The following GPHN variants were observed in gnomAD, a reference collection of about 807,000 sequenced individuals.
GPHN encodes gephyrin.
Under a neutral mutation model 95.5 loss-of-function variants are expected in GPHN, and 17 were observed. The ratio of observed to expected loss-of-function variants is 0.18; its 90% CI spans 0.12 to 0.27. GPHN has a LOEUF of 0.27. Among genes scored for constraint, GPHN ranks in the 10% least tolerant of loss-of-function variants. The pLI is 1.00. For synonymous variants in GPHN, 320 were observed against 322.5 expected (o/e 0.99, Z 0.08); for missense variants, 660 against 978.1 (o/e 0.67, Z 4.34).
intron 10 of GPHN, among the ~76,000 whole-genome samples, chr14:67,028,907 C>T (rs1353453976): frequency 6.6e-6 from 1 of 152,076 alleles, no homozygotes; most frequent in Non-Finnish European, 1.5e-5. Flanking sequence ...GTTGTCTGTA[C>T]TTTTGAAGTC....
chr14:67,058,528 T>G (rs1395466494), intron 10 of GPHN, 121 bp from the exon 11 acceptor site: 2 of 861,124 alleles, frequency 2.3e-6, no homozygotes, highest in Non-Finnish European at 3.9e-6. Context: ...AGAAACAGTT[T>G]CTTACCTGCT....
chr14:67,424,924 G>C, the GPHN span, among the ~76,000 whole-genome samples: 1 of 152,152 alleles, frequency 6.6e-6, no homozygotes, highest in Non-Finnish European at 1.5e-5. Flanking sequence ...CCTCCCCAAG[G>C]CTGGTCCCTG....
chr14:67,269,104 A>G, the GPHN span, among the ~76,000 whole-genome samples: 7 of 152,166 alleles, frequency 4.6e-5, no homozygotes, highest in Non-Finnish European at 1.0e-4. Flanking sequence ...TGGATATTTC[A>G]TAAATAGAAT....
intron 10 of GPHN, among the ~76,000 whole-genome samples, chr14:67,024,512 A>C (rs1181716469): frequency 1.3e-5 from 2 of 152,318 alleles, no homozygotes; most frequent in Admixed American, 6.5e-5. Flanking sequence ...AATGATTTCT[A>C]TTTCTAGCAG....
chr14:67,212,314 A>G, the GPHN span, among the ~76,000 whole-genome samples: 7 of 152,078 alleles, frequency 4.6e-5, no homozygotes, highest in South Asian at 2.1e-4. Flanking sequence ...CTGACAAAAA[A>G]TGTATCTTAG....
At chr14:67,586,790 G>A in the GPHN span, 33 of 1,382,208 alleles carry the variant, frequency 2.4e-5, no homozygotes, top group Non-Finnish European at 2.8e-5. Flanking sequence ...TTCTTAAGAA[G>A]GCCCCTTCCC....
At chr14:66,627,946 T>G (rs1050537339) in intron 1 of GPHN, among the ~76,000 whole-genome samples, 2 of 152,132 alleles carry the variant, frequency 1.3e-5, no homozygotes, top group Non-Finnish European at 2.9e-5. Context: ...ATAAAGTTCA[T>G]TTGGTTAGGT....
chr14:67,302,685 AT>A, the GPHN span: 1 of 818,318 alleles, frequency 1.2e-6, no homozygotes, highest in African/African-American at 1.8e-5. Context: ...TTCTAGCCTG[AT>A]TTTTCCATGA....
At chr14:66,556,282 T>G (rs571763528) in intron 1 of GPHN, among the ~76,000 whole-genome samples, 3 of 152,300 alleles carry the variant, frequency 2.0e-5, no homozygotes, top group African/African-American at 7.2e-5. Flanking sequence ...TACACAATTT[T>G]TTGCCATATA....
chr14:66,940,717 G>A (rs538462877), intron 8 of GPHN, among the ~76,000 whole-genome samples: 2 of 152,268 alleles, frequency 1.3e-5, no homozygotes, highest in African/African-American at 4.8e-5. Context: ...TCTGCCTCTG[G>A]ATTCCTCAGA....
At chr14:67,327,432 T>C in the GPHN span, among the ~76,000 whole-genome samples, 1 of 152,072 alleles carries the variant, frequency 6.6e-6, no homozygotes, top group South Asian at 2.1e-4. Context: ...GGAGGACGGA[T>C]CACTTTTTTT....
chr14:67,543,416 G>A, the GPHN span, among the ~76,000 whole-genome samples: 11 of 152,166 alleles, frequency 7.2e-5, no homozygotes, highest in Admixed American at 2.0e-4. Context: ...AGGTACTGCC[G>A]ATAGAAAGGA....
chr14:67,586,092 C>A, the GPHN span: 1 of 1,613,884 alleles, frequency 6.2e-7, no homozygotes, highest in Non-Finnish European at 8.5e-7. Flanking sequence ...GATGGCTGCT[C>A]CCAAGGTAGG....
At chr14:67,436,961 G>A in the GPHN span, among the ~76,000 whole-genome samples, 1 of 152,130 alleles carries the variant, frequency 6.6e-6, no homozygotes, top group African/African-American at 2.4e-5. Flanking sequence ...GGAGGTTGAG[G>A]TGGGAGAATC....
chr14:67,398,471 T>C, the GPHN span, among the ~76,000 whole-genome samples: 16 of 152,136 alleles, frequency 1.1e-4, no homozygotes, highest in Admixed American at 6.5e-5. Context: ...CCACCTAAAC[T>C]ACCCTTCTCT....
intron 4 of GPHN, among the ~76,000 whole-genome samples, chr14:66,878,531 C>T (rs771349943): frequency 1.4e-4 from 21 of 151,938 alleles, no homozygotes; most frequent in African/African-American, 1.7e-4. Flanking sequence ...AAAAAAACAA[C>T]GCCATCAAAA....
the GPHN span, chr14:67,580,345 T>C: frequency 6.0e-6 from 1 of 167,286 alleles, no homozygotes; most frequent in Non-Finnish European, 1.3e-5. Context: ...GGTGCTCCTA[T>C]AAGTAAAGGC....
At chr14:66,877,060 C>T (rs1262039729) in intron 4 of GPHN, among the ~76,000 whole-genome samples, 1 of 152,118 alleles carries the variant, frequency 6.6e-6, no homozygotes, top group African/African-American at 2.4e-5. Context: ...CAGCTTCATC[C>T]CTGGGATGCA....
chr14:67,243,312 C>T, the GPHN span, among the ~76,000 whole-genome samples: 1 of 151,176 alleles, frequency 6.6e-6, no homozygotes, highest in East Asian at 1.9e-4. Flanking sequence ...CTCAGCCTCC[C>T]GACTAGCTGG....
Sources: gnomAD v4.1 joint callset for allele counts (sites outside exome capture counted in the v4.1 genomes callset) on GRCh38, gnomAD v4.1.1 for gene constraint, MANE v1.5 for transcripts, NCBI Gene and HGNC (gene_info 2026-07-23, HGNC 2026-07-21) for gene names.